Variants in TMSB15B observed in about 807,000 individuals in gnomAD.
TMSB15B encodes the protein thymosin beta-15B.
intron 1 of TMSB15B, among the ~76,000 whole-genome samples, chrX:103,944,399 A>G (rs1463695164): frequency 8.9e-6 from 1 of 112,430 alleles, no homozygotes; most frequent in African/African-American, 3.2e-5. Context: ...TCTGGACAAA[A>G]ATAAAATTCC....
intron 1 of TMSB15B, among the ~76,000 whole-genome samples, chrX:103,951,965 A>G (rs1304398542): frequency 1.8e-5 from 2 of 111,507 alleles, no homozygotes; most frequent in Non-Finnish European, 3.8e-5. Context: ...GAGCTAAGGT[A>G]TGGCTACATG....
chrX:103,947,265 C>A (rs2075027981), intron 1 of TMSB15B, among the ~76,000 whole-genome samples: 1 of 111,619 alleles, frequency 9.0e-6, no homozygotes, highest in Non-Finnish European at 1.9e-5. Flanking sequence ...AGAATCCAGA[C>A]ACAGAGGAGT....
intron 1 of TMSB15B, among the ~76,000 whole-genome samples, chrX:103,954,933 C>T (rs1238394829): frequency 9.0e-6 from 1 of 111,372 alleles, no homozygotes; most frequent in African/African-American, 3.3e-5. Flanking sequence ...GCACCTTGAT[C>T]CCCCCAGTAC....
chrX:103,919,846 G>A (rs1298805048), intron 1 of TMSB15B, among the ~76,000 whole-genome samples: 2 of 111,174 alleles, frequency 1.8e-5, no homozygotes, highest in Non-Finnish European at 3.8e-5. Flanking sequence ...CTTAGCACCT[G>A]TATGTTGCTC....
At chrX:103,934,498 G>A (rs1265524773) in intron 1 of TMSB15B, among the ~76,000 whole-genome samples, 5 of 109,431 alleles carry the variant, frequency 4.6e-5, no homozygotes, top group African/African-American at 6.7e-5. Flanking sequence ...CTTGCCCCCC[G>A]CTCCCAGACA....
chrX:103,941,389 CATA>C (rs1395679849), intron 1 of TMSB15B, among the ~76,000 whole-genome samples: 1 of 111,090 alleles, frequency 9.0e-6, no homozygotes, highest in Non-Finnish European at 1.9e-5. Context: ...ATTGCTGAAT[CATA>C]ATGACAGTGC....
At chrX:103,919,740 T>C (rs369766880) in intron 1 of TMSB15B, among the ~76,000 whole-genome samples, 12 of 112,643 alleles carry the variant, frequency 1.1e-4, no homozygotes, top group Non-Finnish European at 1.7e-4. Flanking sequence ...GAGCAAGAAC[T>C]GTTATCTCCA....
chrX:103,925,641 A>G (rs1482882873), intron 1 of TMSB15B, among the ~76,000 whole-genome samples: 1 of 111,973 alleles, frequency 8.9e-6, no homozygotes, highest in African/African-American at 3.3e-5. Context: ...TCTAAAGGTC[A>G]CACATCAAGT....
intron 1 of TMSB15B, among the ~76,000 whole-genome samples, chrX:103,946,906 G>T (rs2075027147): frequency 9.0e-6 from 1 of 111,380 alleles, no homozygotes; most frequent in African/African-American, 3.3e-5. Context: ...TATAATAAAA[G>T]ACGTGAGAAG....
intron 1 of TMSB15B, among the ~76,000 whole-genome samples, chrX:103,933,206 G>A (rs2074988906): frequency 1.8e-5 from 2 of 111,429 alleles, no homozygotes; most frequent in African/African-American, 6.5e-5. Flanking sequence ...TAATAAATCA[G>A]AAACTATAAA....
intron 1 of TMSB15B, among the ~76,000 whole-genome samples, chrX:103,954,544 A>AT (rs2075046785): frequency 9.0e-6 from 1 of 111,520 alleles, no homozygotes; most frequent in Non-Finnish European, 1.9e-5. Context: ...ACCTGTCTAC[A>AT]TGGGTGGGTT....
chrX:103,954,100 C>G (rs1569449739), intron 1 of TMSB15B, among the ~76,000 whole-genome samples: 1 of 112,126 alleles, frequency 8.9e-6, no homozygotes, highest in Admixed American at 9.4e-5. Context: ...CCCCAGGAGA[C>G]AAGCAAAGTG....
intron 1 of TMSB15B, among the ~76,000 whole-genome samples, chrX:103,949,554 A>G (rs1237739734): frequency 8.9e-6 from 1 of 111,974 alleles, no homozygotes. Flanking sequence ...AGGTGATGTT[A>G]AGGTTTTTGA....
chrX:103,932,330 T>C (rs1379327465), intron 1 of TMSB15B: 1 of 111,410 alleles, frequency 9.0e-6, no homozygotes, highest in African/African-American at 3.3e-5. Context: ...CAGAATTGAA[T>C]TGGAGTACAC....
chrX:103,954,820 C>T (rs782695185), intron 1 of TMSB15B, among the ~76,000 whole-genome samples: 23 of 111,657 alleles, frequency 2.1e-4, no homozygotes, highest in Admixed American at 5.7e-4. Context: ...AGCAGTGGCC[C>T]CCTGCTCCCT....
intron 1 of TMSB15B, among the ~76,000 whole-genome samples, chrX:103,923,973 A>T (rs1307191692): frequency 8.9e-6 from 1 of 111,904 alleles, no homozygotes; most frequent in Non-Finnish European, 1.9e-5. Flanking sequence ...TGAAATTACT[A>T]ATATAACTTA....
At chrX:103,941,098 A>G (rs1486531897) in intron 1 of TMSB15B, among the ~76,000 whole-genome samples, 1 of 111,821 alleles carries the variant, frequency 8.9e-6, no homozygotes, top group East Asian at 2.8e-4. Flanking sequence ...AAATGCAGAA[A>G]TCACCCACCT....
chrX:103,938,350 G>A (rs2075004194), intron 1 of TMSB15B, among the ~76,000 whole-genome samples: 3 of 111,914 alleles, frequency 2.7e-5, no homozygotes, highest in South Asian at 3.7e-4. Flanking sequence ...TCCTGTATTC[G>A]TTGCATATAT....
intron 1 of TMSB15B, chrX:103,928,050 T>A: frequency 1.2e-6 from 1 of 816,570 alleles, no homozygotes; most frequent in East Asian, 3.2e-5. Flanking sequence ...AATCTCTTTT[T>A]TTCCACCCTT....
Sources: gnomAD v4.1 joint callset for allele counts (sites outside exome capture counted in the v4.1 genomes callset) on GRCh38, gnomAD v4.1.1 for gene constraint, MANE v1.5 for transcripts, NCBI Gene and HGNC (gene_info 2026-07-23, HGNC 2026-07-21) for gene names.